Variants in CTNND2 observed in about 807,000 individuals in gnomAD.
CTNND2 encodes catenin delta-2.
Under a neutral mutation model 144.4 loss-of-function variants are expected in CTNND2, and 22 were observed. The observed-to-expected ratio is 0.15, with a 90% confidence interval of 0.11 to 0.22. The LOEUF (loss-of-function observed/expected upper bound fraction) is 0.22, where lower values mean the gene tolerates loss of function less well. Among genes scored for constraint, CTNND2 ranks in the 10% least tolerant of loss-of-function variants. The pLI is 1.00. For synonymous variants in CTNND2, 751 were observed against 695.6 expected (o/e 1.08, Z -1.25); for missense variants, 1,353 against 1,618.8 (o/e 0.84, Z 2.82).
At chr5:11,756,609 C>T (rs115984268) in intron 1 of CTNND2, among the ~76,000 whole-genome samples, 3,026 of 145,484 alleles carry the variant, frequency 0.021, 88 homozygotes, top group African/African-American at 0.073. Flanking sequence ...TACATAAATA[C>T]ATCCACATCC....
intron 1 of CTNND2, among the ~76,000 whole-genome samples, chr5:11,900,916 A>G (rs1737800061): frequency 6.6e-6 from 1 of 152,242 alleles, no homozygotes; most frequent in Non-Finnish European, 1.5e-5. Flanking sequence ...AAACTCTGTT[A>G]GGAAAAGTGA....
chr5:11,165,354 A>C (rs188136675), intron 11 of CTNND2, among the ~76,000 whole-genome samples: 116 of 152,312 alleles, frequency 7.6e-4, no homozygotes, highest in African/African-American at 2.7e-3. Context: ...AGGTAATACT[A>C]AAATTTCAAT....
chr5:11,803,137 T>C (rs1791786746), intron 1 of CTNND2, among the ~76,000 whole-genome samples: 1 of 151,988 alleles, frequency 6.6e-6, no homozygotes, highest in South Asian at 2.1e-4. Flanking sequence ...CTGGCTAACA[T>C]GGTGAAACCC....
chr5:11,764,761 T>C (rs893030638), intron 1 of CTNND2, among the ~76,000 whole-genome samples: 10 of 152,284 alleles, frequency 6.6e-5, no homozygotes, highest in African/African-American at 2.4e-4. Context: ...CTATTAAACA[T>C]ACCTTTTCTG....
At chr5:11,309,697 A>T (rs1750599885) in intron 9 of CTNND2, among the ~76,000 whole-genome samples, 1 of 152,110 alleles carries the variant, frequency 6.6e-6, no homozygotes, top group Non-Finnish European at 1.5e-5. Context: ...TTGCTATGTG[A>T]GAAGGACATG....
At chr5:11,330,945 G>A (rs998920076) in intron 9 of CTNND2, among the ~76,000 whole-genome samples, 2 of 152,066 alleles carry the variant, frequency 1.3e-5, no homozygotes, top group Non-Finnish European at 2.9e-5. Context: ...AATATTGTCT[G>A]TTACTTTCAA....
chr5:11,875,655 A>G (rs1735515684), intron 1 of CTNND2, among the ~76,000 whole-genome samples: 2 of 152,172 alleles, frequency 1.3e-5, no homozygotes, highest in Admixed American at 1.3e-4. Context: ...GCAAGAAAGC[A>G]ACTGTCTGCA....
intron 12 of CTNND2, among the ~76,000 whole-genome samples, chr5:11,119,225 G>T (rs1216948530): frequency 6.6e-6 from 1 of 152,116 alleles, no homozygotes; most frequent in Non-Finnish European, 1.5e-5. Flanking sequence ...AATAAAACAG[G>T]TTTCATGTTA....
chr5:11,638,597 C>T (rs569812794), intron 2 of CTNND2, among the ~76,000 whole-genome samples: 24 of 152,122 alleles, frequency 1.6e-4, no homozygotes, highest in Non-Finnish European at 2.9e-4. Flanking sequence ...CTCCCACCCA[C>T]TACTCTTGCT....
chr5:11,820,363 TAGA>T (rs1478343482), intron 1 of CTNND2, among the ~76,000 whole-genome samples: 1 of 152,152 alleles, frequency 6.6e-6, no homozygotes, highest in Non-Finnish European at 1.5e-5. Flanking sequence ...GGCTCAAACT[TAGA>T]AGAAGAATGG....
intron 2 of CTNND2, among the ~76,000 whole-genome samples, chr5:11,613,465 C>G (rs955122262): frequency 2.6e-5 from 4 of 152,146 alleles, no homozygotes; most frequent in African/African-American, 9.7e-5. Flanking sequence ...TTATGGTATT[C>G]AGAATTCATG....
At chr5:10,991,617 A>T (rs547529406) in intron 19 of CTNND2, among the ~76,000 whole-genome samples, 7 of 152,374 alleles carry the variant, frequency 4.6e-5, no homozygotes, top group Non-Finnish European at 7.3e-5. Flanking sequence ...TAAAAAGGGT[A>T]TAAAAATCAA....
chr5:11,413,545 A>T (rs2149840179), intron 3 of CTNND2, among the ~76,000 whole-genome samples: 1 of 152,326 alleles, frequency 6.6e-6, no homozygotes, highest in East Asian at 1.9e-4. Flanking sequence ...GAACTCAGGC[A>T]TATGGGTTCT....
chr5:11,330,660 G>C (rs990399225), intron 9 of CTNND2, among the ~76,000 whole-genome samples: 3 of 151,440 alleles, frequency 2.0e-5, no homozygotes, highest in Non-Finnish European at 4.4e-5. Flanking sequence ...CCCACCCCCT[G>C]TCTCTACTAA....
intron 11 of CTNND2, among the ~76,000 whole-genome samples, chr5:11,161,314 A>G (rs937580197): frequency 6.6e-6 from 1 of 152,208 alleles, no homozygotes; most frequent in Non-Finnish European, 1.5e-5. Context: ...AGTGAATTTG[A>G]CCATTTTATA....
intron 2 of CTNND2, among the ~76,000 whole-genome samples, chr5:11,649,861 C>T (rs1782556608): frequency 6.6e-6 from 1 of 152,166 alleles, no homozygotes; most frequent in Non-Finnish European, 1.5e-5. Flanking sequence ...TCACGATGAC[C>T]ATATGACTTT....
At chr5:11,715,527 A>G (rs1275338131) in intron 2 of CTNND2, among the ~76,000 whole-genome samples, 1 of 152,194 alleles carries the variant, frequency 6.6e-6, no homozygotes, top group African/African-American at 2.4e-5. Flanking sequence ...TCCTTTAACC[A>G]TCTCCAGAAA....
At chr5:11,091,409 T>C (rs1207642529) in intron 15 of CTNND2, among the ~76,000 whole-genome samples, 1 of 152,220 alleles carries the variant, frequency 6.6e-6, no homozygotes, top group Admixed American at 6.5e-5. Flanking sequence ...GTTATAATAA[T>C]TGCTTATTTG....
At chr5:11,655,637 T>C (rs1782873181) in intron 2 of CTNND2, among the ~76,000 whole-genome samples, 1 of 152,186 alleles carries the variant, frequency 6.6e-6, no homozygotes, top group African/African-American at 2.4e-5. Context: ...CAAGGTCATG[T>C]GTTTTTAGCT....
Sources: allele counts gnomAD v4.1 joint callset (sites outside exome capture counted in the v4.1 genomes callset), GRCh38; gene constraint gnomAD v4.1.1; transcripts MANE v1.5; gene names NCBI Gene and HGNC (gene_info 2026-07-23, HGNC 2026-07-21).